SVEP1: variants seen among roughly 807,000 people sequenced by gnomAD.
The protein encoded by SVEP1 is sushi, von Willebrand factor type A, EGF and pentraxin domain-containing protein 1.
In SVEP1, 164 loss-of-function variants were observed where a neutral mutation model predicts 367.3. That is an observed-to-expected ratio of 0.45 (90% confidence interval 0.39 to 0.51). The LOEUF (loss-of-function observed/expected upper bound fraction) is 0.51, where lower values mean the gene tolerates loss of function less well. Among genes scored for constraint, SVEP1 ranks in the 20% least tolerant of loss-of-function variants. SVEP1 has a pLI of 0.00. For missense variants in SVEP1, 4,117 were observed against 4,425.3 expected (o/e 0.93, Z 1.98); for synonymous variants, 1,666 against 1,611.6 (o/e 1.03, Z -0.81).
intron 43 of SVEP1, among the ~76,000 whole-genome samples, chr9:110,380,770 A>G (rs1827421619): frequency 6.6e-6 from 1 of 152,170 alleles, no homozygotes; most frequent in African/African-American, 2.4e-5. Context: ...GAATGGTACC[A>G]GCTCCTCTTT....
intron 5 of SVEP1, among the ~76,000 whole-genome samples, chr9:110,512,052 A>T (rs912838060): frequency 6.6e-6 from 1 of 152,226 alleles, no homozygotes; most frequent in African/African-American, 2.4e-5. Context: ...ATTTTTTAGT[A>T]TAAGGAGGTT....
chr9:110,385,431 G>C (rs886436492), intron 43 of SVEP1, among the ~76,000 whole-genome samples: 1 of 152,204 alleles, frequency 6.6e-6, no homozygotes, highest in Non-Finnish European at 1.5e-5. Context: ...GCTTGCTAGT[G>C]GTTCTCAGAT....
chr9:110,397,632 C>A (rs965199960), intron 40 of SVEP1, among the ~76,000 whole-genome samples: 6 of 152,152 alleles, frequency 3.9e-5, no homozygotes, highest in Non-Finnish European at 8.8e-5. Context: ...AGTGGATAAG[C>A]AACTTCAGCA....
chr9:110,539,847 T>C (rs1372705795), intron 3 of SVEP1, among the ~76,000 whole-genome samples: 1 of 151,964 alleles, frequency 6.6e-6, no homozygotes, highest in Non-Finnish European at 1.5e-5. Context: ...TTCTATCCCA[T>C]AGAATAATAA....
At chr9:110,378,959 C>G (rs1353475389) in intron 44 of SVEP1, among the ~76,000 whole-genome samples, 2 of 149,638 alleles carry the variant, frequency 1.3e-5, no homozygotes, top group Admixed American at 1.3e-4. Context: ...ACTCATCCAA[C>G]AACTCAATTA....
intron 43 of SVEP1, among the ~76,000 whole-genome samples, chr9:110,383,100 C>T (rs1010094689): frequency 2.0e-5 from 3 of 152,180 alleles, no homozygotes; most frequent in African/African-American, 7.2e-5. Flanking sequence ...TGTGCTTTTC[C>T]TGGAGAAGTG....
At chr9:110,565,387 AT>A (rs2118875494) in intron 1 of SVEP1, among the ~76,000 whole-genome samples, 1 of 152,316 alleles carries the variant, frequency 6.6e-6, no homozygotes, top group Admixed American at 6.5e-5. Flanking sequence ...TTTTATTTCA[AT>A]AAAGGGTGTG....
intron 45 of SVEP1, 27 bp from the exon 46 acceptor site, chr9:110,375,490 A>AAAAAAAAAAT: frequency 7.5e-7 from 1 of 1,338,832 alleles, no homozygotes; most frequent in Non-Finnish European, 1.0e-6. Context: ...AAAAAAAAAA[A>AAAAAAAAAAT]GGAGGCAGGG....
chr9:110,411,587 T>G lies in SVEP1; in HGVS notation c.6124A>C (p.Ile2042Leu). The change falls in exon 37 of 48, where the codon ATT becomes CTT. Residue 2042 changes from isoleucine to leucine, a missense_variant. By Grantham distance (5) the Ile-to-Leu change is conservative. Around this residue, in one of 4 missense-constraint regions of SVEP1, gnomAD observed 2,174 missense variants for 2,494.3 expected, o/e 0.87. Transcript: ENST00000374469. ...PETAHRLFGDIAFYYCSDGYS... is the reference protein window; with the variant it reads ...PETAHRLFGDLAFYYCSDGYS... ...CCATCAGAGCAGTAGTAGAATGCAA[T>G]GTCTCCAAAGAGCCGATGGGCAGTC... 6.2e-7 allele frequency: 1 copy of G among 1,613,954 alleles called. No individual in the cohort carries two copies. Among genetic ancestry groups the G allele is most frequent in the Non-Finnish European group, 8.5e-7 (1 of 1,179,872 alleles).
chr9:110,473,231 AT>A (rs1829047483), intron 14 of SVEP1, among the ~76,000 whole-genome samples: 1 of 152,214 alleles, frequency 6.6e-6, no homozygotes, highest in Non-Finnish European at 1.5e-5. Flanking sequence ...GGCTATTAAA[AT>A]TAACTGGGAT....
intron 43 of SVEP1, 72 bp downstream of exon 43, chr9:110,385,826 G>T: frequency 6.6e-7 from 1 of 1,509,352 alleles, no homozygotes; most frequent in South Asian, 1.3e-5. Context: ...TGACTTGATT[G>T]AAAACAACCT....
intron 12 of SVEP1, among the ~76,000 whole-genome samples, 175 bp from the exon 13 acceptor site, chr9:110,479,931 C>A (rs554621158): frequency 4.6e-4 from 70 of 152,150 alleles, no homozygotes; most frequent in Non-Finnish European, 8.8e-4. Context: ...TCATAATAAA[C>A]CATGCACCAA....
At chr9:110,571,955 C>T (rs938531670) in intron 1 of SVEP1, among the ~76,000 whole-genome samples, 3 of 152,206 alleles carry the variant, frequency 2.0e-5, no homozygotes, top group Non-Finnish European at 4.4e-5. Flanking sequence ...AAGTGAAATG[C>T]ACCCTTGGAA....
chr9:110,543,444 T>C (rs1239434253), intron 3 of SVEP1, among the ~76,000 whole-genome samples: 1 of 152,204 alleles, frequency 6.6e-6, no homozygotes, highest in Non-Finnish European at 1.5e-5. Flanking sequence ...CCTCTACCGA[T>C]GCACTAATGA....
chr9:110,505,905 G>C (rs1391757128), intron 5 of SVEP1, among the ~76,000 whole-genome samples: 2 of 151,618 alleles, frequency 1.3e-5, no homozygotes, highest in Non-Finnish European at 2.9e-5. Context: ...TGTTATGGTG[G>C]TTTGCTGTAC....
rs148853630 is a variant in SVEP1, at chr9:110,392,436, G to A, written c.9823-2849C>T. Among the ~76,000 whole-genome samples the A allele has an allele frequency of 5.1e-3, 771 of 152,098 alleles. 4 individuals carry two copies. The highest frequency in any genetic ancestry group is 0.018 in the African/African-American group (740 of 41,464). On this transcript the variant is annotated intron_variant, in intron 40 of 47. Coordinates refer to ENST00000374469, the MANE Select transcript of SVEP1 (RefSeq NM_153366.4). Reference sequence around the variant, plus strand: ...TTGTGTGTGTGTGGTGGAGGTGGGAGAGCACAAAATGTTTTCATAGATGGG... The same window carrying A: ...TTGTGTGTGTGTGGTGGAGGTGGGAAAGCACAAAATGTTTTCATAGATGGG...
At chr9:110,385,338 CA>C (rs1259266288) in intron 43 of SVEP1, among the ~76,000 whole-genome samples, 1 of 152,192 alleles carries the variant, frequency 6.6e-6, no homozygotes, top group Non-Finnish European at 1.5e-5. Context: ...GTTGCGTTAT[CA>C]CAAGGCTGAA....
At chr9:110,423,184 G>A (rs200392744) in intron 36 of SVEP1, among the ~76,000 whole-genome samples, 8,358 of 84,362 alleles carry the variant, frequency 0.099, 73 homozygotes, top group Middle Eastern at 0.14. Flanking sequence ...AAAAAAAAAA[G>A]AAAAAAAAAA....
chr9:110,577,300 T>C (rs1256135527), intron 1 of SVEP1, among the ~76,000 whole-genome samples: 3 of 152,150 alleles, frequency 2.0e-5, no homozygotes, highest in South Asian at 4.2e-4. Context: ...AGATAGAGAA[T>C]GGGATGAAAT....
Sources: gnomAD v4.1 joint callset for allele counts (sites outside exome capture counted in the v4.1 genomes callset) on GRCh38, gnomAD v4.1.1 for gene constraint, gnomAD v4.1.1 regional missense constraint, MANE v1.5 for transcripts, NCBI Gene and HGNC (gene_info 2026-07-23, HGNC 2026-07-21) for gene names.